Variants in DST observed in about 807,000 individuals in gnomAD.
The protein encoded by DST is bullous pemphigoid antigen.
DST carries 253 observed loss-of-function variants against 875.2 expected under a neutral mutation model. That is an observed-to-expected ratio of 0.29 (90% confidence interval 0.26 to 0.32). The LOEUF is 0.32. Among genes scored for constraint, DST ranks in the 10% least tolerant of loss-of-function variants. The probability of loss-of-function intolerance (pLI) is 1.00; values close to 1 mark genes in which losing one functional copy is unlikely to be tolerated. For synonymous variants in DST, 3,124 were observed against 3,197.1 expected (o/e 0.98, Z 0.77); for missense variants, 8,287 against 9,111.6 (o/e 0.91, Z 3.68).
chr6:56,552,805 T>C lies in DST; in HGVS notation c.15987A>G (p.Val5329=), dbSNP rs2097344512. Residue 5329 remains valine (V), a synonymous_variant, in exon 61 of 104, where the codon GTA becomes GTG. Coordinates refer to ENST00000680361, the MANE Select transcript of DST (RefSeq NM_001374736.1). The part of the protein sequence containing the change: ...QKSLQALKHQ[V]DLAKRLAQDL... Reference sequence around the variant, plus strand: ...CCTGTGCAAGTCTTTTAGCCAAATCTACCTGATGCTTCAAGGCCTGAAGTG... The same window carrying C: ...CCTGTGCAAGTCTTTTAGCCAAATCCACCTGATGCTTCAAGGCCTGAAGTG... 1 of 1,611,596 alleles carries C rather than the reference T, an allele frequency of 6.2e-7. No individual in the cohort carries two copies. Among genetic ancestry groups the C allele is most frequent in the African/African-American group, 1.3e-5 (1 of 75,060 alleles).
At chr6:56,573,938 C>T in intron 50 of DST, 51 bp from the exon 51 acceptor site, 1 of 1,369,582 alleles carries the variant, frequency 7.3e-7, no homozygotes, top group Non-Finnish European at 1.0e-6. Flanking sequence ...TTTGCCCTAT[C>T]CCTTTTCAAA....
At chr6:56,735,986 G>A (rs987883982) in intron 4 of DST, among the ~76,000 whole-genome samples, 5 of 152,108 alleles carry the variant, frequency 3.3e-5, no homozygotes, top group Admixed American at 6.5e-5. Context: ...AGCCCCCAGA[G>A]TAGCTGGGAC....
chr6:56,508,181 G>A (rs1415375864), intron 75 of DST, among the ~76,000 whole-genome samples: 1 of 152,008 alleles, frequency 6.6e-6, no homozygotes, highest in African/African-American at 2.4e-5. Context: ...CTACAGGTGT[G>A]TACCACCACG....
chr6:56,726,284 C>T (rs771983826), intron 5 of DST, among the ~76,000 whole-genome samples: 5 of 152,160 alleles, frequency 3.3e-5, no homozygotes, highest in Non-Finnish European at 7.3e-5. Flanking sequence ...CTGTCAGTCC[C>T]TCTGTCAGAC....
At position 56,603,349 on chromosome 6, in the gene DST, T is replaced by C; in HGVS notation, c.11013A>G (p.Leu3671=). 6.2e-7 allele frequency: 1 copy of C among 1,611,244 alleles called. No individual in the cohort carries two copies. Among genetic ancestry groups the C allele is most frequent in the Non-Finnish European group, 8.5e-7 (1 of 1,179,122 alleles). The change falls in exon 42 of 104, where the codon TTA becomes TTG. Residue 3671 remains leucine, a synonymous_variant. Coordinates refer to ENST00000680361, the MANE Select transcript of DST (RefSeq NM_001374736.1). The part of the protein sequence containing the change: ...RKDMKLAEEF[L]KSLPSDFPRG... ...TGGGAAAGTCACTGGGAAGAGACTT[T>C]AAAAACTCTTCTGCCAACTTCATAT...
chr6:56,697,286 A>G (rs143864860), intron 9 of DST, among the ~76,000 whole-genome samples: 5 of 152,210 alleles, frequency 3.3e-5, no homozygotes, highest in African/African-American at 1.2e-4. Context: ...TGCATCCCCA[A>G]CTGAGTCCTG....
intron 3 of DST, among the ~76,000 whole-genome samples, chr6:56,867,902 G>A (rs1039017690): frequency 2.0e-5 from 3 of 151,938 alleles, no homozygotes; most frequent in Non-Finnish European, 2.9e-5. Flanking sequence ...ATCCTGAAAC[G>A]TCTGCATCTC....
chr6:56,871,776 T>TAAAAAAAAAA (rs746142378), intron 3 of DST: 5 of 95,496 alleles, frequency 5.2e-5, no homozygotes, highest in South Asian at 2.1e-4. Context: ...CAATTAAAAG[T>TAAAAAAAAAA]AAAAAAAAAA....
At chr6:56,872,606 A>G (rs1449742240) in intron 3 of DST, among the ~76,000 whole-genome samples, 1 of 152,176 alleles carries the variant, frequency 6.6e-6, no homozygotes, top group Admixed American at 6.5e-5. Flanking sequence ...CAGGGAAACA[A>G]GAGAATGATG....
At chr6:56,766,358 T>C (rs1002410535) in intron 4 of DST, among the ~76,000 whole-genome samples, 3 of 152,152 alleles carry the variant, frequency 2.0e-5, no homozygotes, top group African/African-American at 7.2e-5. Flanking sequence ...ACCTACTGCA[T>C]GCCAAGTACT....
chr6:56,493,881 T>C (rs896484453), intron 83 of DST, 129 bp downstream of exon 83: 2 of 671,558 alleles, frequency 3.0e-6, no homozygotes, highest in South Asian at 5.2e-5. Context: ...TCTCCAAATA[T>C]ATACAAAAAA....
In DST at chr6:56,517,570, T is replaced by C. The variant is rs371746929; in HGVS notation, c.18180A>G (p.Lys6060=). The C allele has an allele frequency of 3.7e-6, 6 of 1,613,278 alleles. No individual in the cohort carries two copies. The East Asian group carries it at 6.7e-5, about 18-fold the overall frequency. The change falls in exon 70 of 104, where the codon AAA becomes AAG. Residue 6060 remains lysine, a synonymous_variant. Transcript: ENST00000680361. ...AELSWITETE[K]KLMSLGDIRL... The stretch of plus-strand genomic sequence containing the variant: ...TGATGTCACCCAGAGACATCAATTT[T>C]TTTTCTGTTTCAGTAATCCAGGATA...
rs747083565 is a variant in DST at position 56,528,912 on chromosome 6, T to G, written c.17609A>C (p.Asp5870Ala). The G allele has an allele frequency of 1.9e-6, 3 of 1,582,786 alleles. No individual in the cohort carries two copies. Among genetic ancestry groups the G allele is most frequent in the East Asian group, 4.5e-5 (2 of 44,234 alleles). The change falls in exon 67 of 104, where the codon GAC becomes GCC. Residue 5870 changes from aspartate to alanine, a missense_variant. Coordinates refer to ENST00000680361, the MANE Select transcript of DST (RefSeq NM_001374736.1). ...QQSELRVLQE[D>A]ILLRKQNVDQ... ...TACATTTTGTTTCCTGAGTAAGATG[T>G]CCTCTTGCAGAACCTGAAAACACAG...
intron 9 of DST, among the ~76,000 whole-genome samples, chr6:56,696,081 T>TA (rs2099262090): frequency 6.6e-6 from 1 of 152,254 alleles, no homozygotes; most frequent in Non-Finnish European, 1.5e-5. Context: ...ATATTGGTGA[T>TA]AATTTGTTAC....
chr6:56,826,839 C>G (rs781122083), intron 4 of DST, among the ~76,000 whole-genome samples: 2 of 152,156 alleles, frequency 1.3e-5, no homozygotes, highest in Non-Finnish European at 2.9e-5. Flanking sequence ...ACTGCTGGGT[C>G]AAGGAGTAGA....
At chr6:56,784,303 A>G (rs887809586) in intron 4 of DST, among the ~76,000 whole-genome samples, 6 of 152,288 alleles carry the variant, frequency 3.9e-5, no homozygotes, top group African/African-American at 1.4e-4. Flanking sequence ...TCTCCTGGAT[A>G]ATATCCTGCA....
At chr6:56,859,668 T>C (rs1024792970) in intron 3 of DST, among the ~76,000 whole-genome samples, 6 of 152,202 alleles carry the variant, frequency 3.9e-5, no homozygotes, top group Non-Finnish European at 7.3e-5. Flanking sequence ...TTTATGTCAG[T>C]TAATTAAAAA....
intron 2 of DST, among the ~76,000 whole-genome samples, chr6:56,917,662 T>C (rs931077315): frequency 2.0e-5 from 3 of 152,230 alleles, no homozygotes; most frequent in African/African-American, 7.2e-5. Flanking sequence ...CTGTTGACTT[T>C]TCCCAGTAGA....
At chr6:56,496,366 C>G (rs769696490) in intron 82 of DST, among the ~76,000 whole-genome samples, 1 of 152,060 alleles carries the variant, frequency 6.6e-6, no homozygotes, top group Non-Finnish European at 1.5e-5. Flanking sequence ...CGCACAGGTA[C>G]AACACTCCAG....
Sources: allele counts gnomAD v4.1 joint callset (sites outside exome capture counted in the v4.1 genomes callset), GRCh38; gene constraint gnomAD v4.1.1; transcripts MANE v1.5; gene names NCBI Gene and HGNC (gene_info 2026-07-23, HGNC 2026-07-21).